The following AMPH variants were observed in gnomAD, a reference collection of about 807,000 sequenced individuals.
AMPH encodes amphiphysin.
Under a neutral mutation model 99.1 loss-of-function variants are expected in AMPH, and 49 were observed. The ratio of observed to expected loss-of-function variants is 0.49; its 90% CI spans 0.39 to 0.63. AMPH has a LOEUF of 0.63. AMPH is among the 20% of genes least tolerant of loss of function. The pLI, the probability that AMPH is intolerant of heterozygous loss-of-function variation, is 0.00. For missense variants in AMPH, 759 were observed against 863.4 expected, an observed-to-expected ratio of 0.88 and a Z score of 1.52; for synonymous variants, 314 against 317.3, an observed-to-expected ratio of 0.99 and a Z score of 0.11.
chr7:38,465,357 G>A, intron 9 of AMPH, 110 bp downstream of exon 9: 1 of 892,626 alleles, frequency 1.1e-6, no homozygotes, highest in South Asian at 2.0e-5. Flanking sequence ...AGGGTGAAAA[G>A]GCTCCTGTGG....
At chr7:38,567,783 T>C (rs1791800124) in intron 1 of AMPH, among the ~76,000 whole-genome samples, 2 of 152,144 alleles carry the variant, frequency 1.3e-5, no homozygotes, top group Non-Finnish European at 2.9e-5. Flanking sequence ...GCCAGGAAAT[T>C]GAGTTTTGTG....
intron 17 of AMPH, among the ~76,000 whole-genome samples, chr7:38,398,144 A>G (rs1316393772): frequency 1.4e-5 from 2 of 147,964 alleles, no homozygotes; most frequent in Non-Finnish European, 3.0e-5. Flanking sequence ...AAGTAGAGAT[A>G]CCATATGATC....
At chr7:38,440,695 T>A (rs1270537991) in intron 11 of AMPH, among the ~76,000 whole-genome samples, 1 of 152,072 alleles carries the variant, frequency 6.6e-6, no homozygotes, top group East Asian at 1.9e-4. Flanking sequence ...TTAAATGACA[T>A]CATATAATTG....
chr7:38,467,640 A>ATGTATG (rs1787711256), intron 7 of AMPH, among the ~76,000 whole-genome samples: 1 of 148,732 alleles, frequency 6.7e-6, no homozygotes, highest in African/African-American at 2.5e-5. Flanking sequence ...CAATGGAAAT[A>ATGTATG]TGTGTGTGTG....
At chr7:38,505,691 T>A (rs1169208734) in intron 2 of AMPH, among the ~76,000 whole-genome samples, 1 of 152,068 alleles carries the variant, frequency 6.6e-6, no homozygotes, top group African/African-American at 2.4e-5. Context: ...GAGAAAATGC[T>A]GATGATAAAC....
In AMPH at chr7:38,605,428, T is replaced by C. The variant is rs1256842095; in HGVS notation, c.69+25855A>G. On this transcript the variant is annotated intron_variant, in intron 1 of 20. Transcript: ENST00000356264. ...TTTGAGAACCTTCAGCAGAGACTTCTGGAACTTTCTAAGGCTTTTGTGGAG... is the reference window on the plus strand; with the variant it reads ...TTTGAGAACCTTCAGCAGAGACTTCCGGAACTTTCTAAGGCTTTTGTGGAG... Among the ~76,000 whole-genome samples the C allele has an allele frequency of 5.3e-5, 8 of 152,252 alleles. No individual in the cohort carries two copies. In the East Asian group the frequency reaches 1.5e-3, roughly 29 times the overall value.
intron 16 of AMPH, among the ~76,000 whole-genome samples, chr7:38,418,740 T>C (rs941080224): frequency 1.3e-5 from 2 of 152,328 alleles, no homozygotes; most frequent in East Asian, 1.9e-4. Context: ...GTATTCTCCA[T>C]GGTTTCAATT....
chr7:38,569,154 C>T (rs1487036834), intron 1 of AMPH, among the ~76,000 whole-genome samples: 1 of 151,804 alleles, frequency 6.6e-6, no homozygotes, highest in Non-Finnish European at 1.5e-5. Context: ...ATAAATATAA[C>T]CTGCATCATA....
At chr7:38,428,590 T>C (rs755762036) in intron 14 of AMPH, 7 of 456,606 alleles carry the variant, frequency 1.5e-5, no homozygotes, top group African/African-American at 1.0e-4. Flanking sequence ...GGAGTGTCTA[T>C]TGCATTTTTC....
chr7:38,599,508 T>C (rs957925641), intron 1 of AMPH, among the ~76,000 whole-genome samples: 1 of 152,254 alleles, frequency 6.6e-6, no homozygotes, highest in East Asian at 1.9e-4. Context: ...ACAAAATATA[T>C]GCTAATCAAC....
intron 2 of AMPH, among the ~76,000 whole-genome samples, chr7:38,514,127 T>C (rs957528507): frequency 1.3e-5 from 2 of 152,174 alleles, no homozygotes; most frequent in African/African-American, 4.8e-5. Flanking sequence ...TACTTAGTAA[T>C]TGTGCTCTAT....
intron 1 of AMPH, among the ~76,000 whole-genome samples, chr7:38,611,786 G>A (rs769774877): frequency 6.6e-6 from 1 of 152,262 alleles, no homozygotes; most frequent in Non-Finnish European, 1.5e-5. Flanking sequence ...TTGCCTGCAG[G>A]TGTCTCAAAT....
chr7:38,436,461 T>C (rs1786270411), intron 11 of AMPH, 73 bp from the exon 12 acceptor site: 21 of 1,070,642 alleles, frequency 2.0e-5, no homozygotes, highest in Middle Eastern at 2.1e-4. Context: ...ATATAGCCCA[T>C]GTATACTCTC....
chr7:38,416,267 A>T (rs1785384376), intron 17 of AMPH, among the ~76,000 whole-genome samples: 1 of 151,972 alleles, frequency 6.6e-6, no homozygotes, highest in Non-Finnish European at 1.5e-5. Context: ...AGGTATATGA[A>T]CATGACACTC....
intron 17 of AMPH, among the ~76,000 whole-genome samples, chr7:38,406,952 C>T (rs548551140): frequency 2.5e-4 from 36 of 146,262 alleles, no homozygotes; most frequent in East Asian, 1.8e-3. Context: ...CTCTCTGTCC[C>T]CAGCTTGCAG....
intron 1 of AMPH, among the ~76,000 whole-genome samples, chr7:38,566,042 T>A (rs188148393): frequency 1.6e-4 from 25 of 152,206 alleles, no homozygotes; most frequent in African/African-American, 5.8e-4. Flanking sequence ...TTCAAAACTT[T>A]CTTCCTAAGT....
chr7:38,566,607 GGCAACCTACAGAATGC>G (rs2129050550), intron 1 of AMPH, among the ~76,000 whole-genome samples: 1 of 152,176 alleles, frequency 6.6e-6, no homozygotes, highest in African/African-American at 2.4e-5. Flanking sequence ...AGAGTGAACA[GGCAACCTACAGAATGC>G]GAGAAAATTT....
chr7:38,596,572 G>A (rs962394176), intron 1 of AMPH, among the ~76,000 whole-genome samples: 2 of 152,178 alleles, frequency 1.3e-5, no homozygotes, highest in African/African-American at 4.8e-5. Context: ...GTGCTTTCAT[G>A]TTGTAATTCT....
At chr7:38,574,850 T>C (rs1351704560) in intron 1 of AMPH, among the ~76,000 whole-genome samples, 1 of 151,946 alleles carries the variant, frequency 6.6e-6, no homozygotes, top group Non-Finnish European at 1.5e-5. Context: ...GGTGAAGAGA[T>C]CAAGACCTTC....
Sources: gnomAD v4.1 joint callset for allele counts (sites outside exome capture counted in the v4.1 genomes callset) on GRCh38, gnomAD v4.1.1 for gene constraint, MANE v1.5 for transcripts, NCBI Gene and HGNC (gene_info 2026-07-23, HGNC 2026-07-21) for gene names.